Variants in CHD7 observed in about 807,000 individuals in gnomAD.
The protein encoded by CHD7 is chromodomain helicase DNA binding protein 7, also known as ATP-dependent chromatin remodeler CHD7.
Under a neutral mutation model 307.3 loss-of-function variants are expected in CHD7, and 24 were observed. The ratio of observed to expected loss-of-function variants is 0.08; its 90% CI spans 0.06 to 0.11. CHD7 has a LOEUF of 0.11. Ranked by LOEUF, CHD7 falls within the 10% of genes least tolerant of loss-of-function variation. The pLI is 1.00. For synonymous variants in CHD7, 1,363 were observed against 1,349.9 expected (o/e 1.01, Z -0.21); for missense variants, 3,106 against 3,727.1 (o/e 0.83, Z 4.34).
intron 15 of CHD7, among the ~76,000 whole-genome samples, chr8:60,831,060 T>A (rs1804493557): frequency 6.6e-6 from 1 of 152,150 alleles, no homozygotes; most frequent in South Asian, 2.1e-4. Flanking sequence ...AACAAAAAAA[T>A]TAACTTAAAG....
Position 60,816,718 on chromosome 8 carries a change from G to T in CHD7, c.2613+217G>T, listed in dbSNP as rs369430731. On this transcript the variant is annotated intron_variant, in intron 8 of 37. Transcript: ENST00000423902. ...AAGATATGGGTCCTTATGATATTAT[G>T]TGGAAATAGCGGTGATGGTATGATA... Among the ~76,000 whole-genome samples the T allele has an allele frequency of 3.4e-3, 516 of 152,284 alleles. 6 individuals carry two copies. Among genetic ancestry groups the T allele is most frequent in the African/African-American group, 0.012 (492 of 41,562 alleles).
At chr8:60,859,177 C>T in intron 34 of CHD7, among the ~76,000 whole-genome samples, 1 of 151,556 alleles carries the variant, frequency 6.6e-6, no homozygotes, top group African/African-American at 2.4e-5. Context: ...TGTAGGGATT[C>T]CTCATTTGGT....
intron 23 of CHD7, among the ~76,000 whole-genome samples, chr8:60,847,420 T>C (rs1355207552): frequency 6.6e-6 from 1 of 152,212 alleles, no homozygotes; most frequent in Non-Finnish European, 1.5e-5. Context: ...AGTTTTCCCA[T>C]TTGAAAACGG....
intron 1 of CHD7, among the ~76,000 whole-genome samples, chr8:60,735,298 C>T (rs369964433): frequency 1.9e-4 from 29 of 152,148 alleles, no homozygotes; most frequent in African/African-American, 2.7e-4. Flanking sequence ...TAAGGCGTAG[C>T]GTTGCCCTAT....
rs767403090 is a variant in CHD7, at chr8:60,830,338, C to T, written c.3539C>T (p.Ala1180Val). The T allele has an allele frequency of 6.2e-7, 1 of 1,611,932 alleles. No homozygotes were observed. Among genetic ancestry groups the T allele is most frequent in the Admixed American group, 1.7e-5 (1 of 59,610 alleles). ...CTTTTTTAGGTGCAAAAACTTCAAG[C>T]TATTCTAAAGCCAATGATGTTGAGA... Reference protein sequence around the residue: ...KTEEQVQKLQAILKPMMLRRL... With the variant: ...KTEEQVQKLQVILKPMMLRRL... Residue 1180 changes from alanine (A) to valine (V), a missense_variant, in exon 15 of 38, where the codon GCT becomes GTT. By Grantham distance (64) the Ala-to-Val change is moderately conservative. Coordinates refer to ENST00000423902, the MANE Select transcript of CHD7 (RefSeq NM_017780.4).
At chr8:60,705,651 G>C (rs1806988887) in intron 1 of CHD7, among the ~76,000 whole-genome samples, 1 of 152,178 alleles carries the variant, frequency 6.6e-6, no homozygotes, top group African/African-American at 2.4e-5. Context: ...AAATCTTATT[G>C]AGTAAAAATG....
chr8:60,845,438 G>A, intron 23 of CHD7, 29 bp downstream of exon 23: 1 of 1,605,800 alleles, frequency 6.2e-7, no homozygotes, highest in Non-Finnish European at 8.5e-7. Flanking sequence ...GACCTGGAGA[G>A]CTTAATTCCC....
rs1418830724 is a variant in CHD7 at position 60,865,070 on chromosome 8, G to C, written c.8131G>C (p.Gly2711Arg). 1.2e-6 allele frequency: 2 copies of C among 1,609,954 alleles called. No homozygotes were observed. The highest frequency in any genetic ancestry group is 2.2e-5 in the East Asian group (1 of 44,762). The change falls in exon 38 of 38, where the codon GGA becomes CGA. Residue 2711 changes from glycine (G) to arginine (R), a missense_variant. This residue lies in a region of CHD7 where 351 missense variants were observed against 366.2 expected (regional missense o/e 0.96). Transcript: ENST00000423902. The surrounding 1 kb of genome is among the most constrained non-coding windows in gnomAD (Gnocchi z 4.3). Reference protein sequence around the residue: ...DRLLTGPVVRGEGASRRGRRP... With the variant: ...DRLLTGPVVRREGASRRGRRP... The stretch of plus-strand genomic sequence containing the variant: ...CCTTCTCACTGGGCCTGTAGTGCGG[G>C]GAGAGGGAGCGAGCAGAAGAGGAAG...
chr8:60,741,752 C>G lies in CHD7; in HGVS notation c.320C>G (p.Thr107Ser), dbSNP rs1057234037. The G allele has an allele frequency of 1.2e-6, 2 of 1,613,928 alleles. No individual in the cohort carries two copies. The highest frequency in any genetic ancestry group is 2.2e-5 in the East Asian group (1 of 44,874). Residue 107 changes from threonine (T) to serine (S), a missense_variant, in exon 2 of 38, where the codon ACC becomes AGC. By Grantham distance (58) the Thr-to-Ser change is moderately conservative (BLOSUM62 1). This residue lies in a region of CHD7 where 998 missense variants were observed against 1,004.5 expected (regional missense o/e 0.99). Coordinates refer to ENST00000423902, the MANE Select transcript of CHD7 (RefSeq NM_017780.4). ...GLASPHSQYH[T>S]PPVPQVPHGG... ...GCGTCTCCGCACTCGCAGTATCACACCCCTCCCGTTCCTCAGGTGCCCCAT... is the reference window on the plus strand; with the variant it reads ...GCGTCTCCGCACTCGCAGTATCACAGCCCTCCCGTTCCTCAGGTGCCCCAT...
chr8:60,713,014 C>T (rs988693741), intron 1 of CHD7, among the ~76,000 whole-genome samples: 11 of 140,962 alleles, frequency 7.8e-5, no homozygotes, highest in African/African-American at 2.6e-4. Flanking sequence ...TGCGCCACTG[C>T]ACTCCAGCCT....
At chr8:60,783,712 C>T (rs111670237) in intron 3 of CHD7, among the ~76,000 whole-genome samples, 9 of 152,188 alleles carry the variant, frequency 5.9e-5, no homozygotes, top group African/African-American at 1.2e-4. Context: ...GATGAGCCTG[C>T]GGATTTACAG....
At chr8:60,837,913 C>A in intron 18 of CHD7, 78 bp downstream of exon 18, 2 of 1,389,508 alleles carry the variant, frequency 1.4e-6, no homozygotes, top group South Asian at 1.4e-5. Flanking sequence ...AATTACTCAG[C>A]CTTTGATTAT....
rs1210582890 is a variant in CHD7, at chr8:60,865,131, C to G, written c.8192C>G (p.Ala2731Gly). ...PKSEIARAAA[A>G]AAAVASTSGI... ...AGTGAGATCGCCAGAGCAGCCGCGGCCGCCGCTGCTGTGGCCTCCACGTCA... is the reference window on the plus strand; with the variant it reads ...AGTGAGATCGCCAGAGCAGCCGCGGGCGCCGCTGCTGTGGCCTCCACGTCA... Residue 2731 changes from alanine to glycine, a missense_variant, in exon 38 of 38, where the codon GCC becomes GGC. Coordinates refer to ENST00000423902, the MANE Select transcript of CHD7 (RefSeq NM_017780.4). The surrounding 1 kb of genome is among the most constrained non-coding windows in gnomAD (Gnocchi z 4.3). 6.2e-7 allele frequency: 1 copy of G among 1,611,244 alleles called. No homozygotes were observed. The highest frequency in any genetic ancestry group is 8.5e-7 in the Non-Finnish European group (1 of 1,178,892).
Position 60,862,178 on chromosome 8 carries a change from A to G in CHD7, c.7831-18A>G, listed in dbSNP as rs768846793. ...GTACTAAATACCAATTTTACTAAATATGTTTTTTCTTTTGCAGAAGAATGC... is the reference window on the plus strand; with the variant it reads ...GTACTAAATACCAATTTTACTAAATGTGTTTTTTCTTTTGCAGAAGAATGC... On this transcript the variant is annotated intron_variant, in intron 35 of 37. Transcript: ENST00000423902. 1.4e-5 allele frequency: 22 copies of G among 1,590,842 alleles called. No homozygotes were observed. Among genetic ancestry groups the G allele is most frequent in the East Asian group, 2.3e-5 (1 of 44,288 alleles).
At chr8:60,680,694 AAC>A in intron 1 of CHD7, among the ~76,000 whole-genome samples, 1 of 152,226 alleles carries the variant, frequency 6.6e-6, no homozygotes. Context: ...CCTTGGTTTA[AAC>A]TAGTTTTTTT....
chr8:60,752,934 A>T (rs1809706397), intron 2 of CHD7, among the ~76,000 whole-genome samples: 1 of 152,234 alleles, frequency 6.6e-6, no homozygotes, highest in South Asian at 2.1e-4. Flanking sequence ...ACAGCTGTAA[A>T]TCTATAGATA....
intron 1 of CHD7, among the ~76,000 whole-genome samples, chr8:60,722,872 T>G (rs1203285175): frequency 6.6e-6 from 1 of 152,216 alleles, no homozygotes; most frequent in African/African-American, 2.4e-5. Context: ...CTCAGATAAT[T>G]TGATATTACA....
chr8:60,828,415 AC>A (rs1028207237), intron 13 of CHD7, among the ~76,000 whole-genome samples: 4 of 152,118 alleles, frequency 2.6e-5, no homozygotes, highest in African/African-American at 9.7e-5. Flanking sequence ...CTGACCTATA[AC>A]CCCAGGAAGA....
chr8:60,720,173 A>G (rs1807826857), intron 1 of CHD7, among the ~76,000 whole-genome samples: 1 of 152,130 alleles, frequency 6.6e-6, no homozygotes, highest in South Asian at 2.1e-4. Context: ...CCTGTTCCAT[A>G]TAACTTCACT....
Sources: gnomAD v4.1 joint callset for allele counts (sites outside exome capture counted in the v4.1 genomes callset) on GRCh38, gnomAD v4.1.1 for gene constraint, gnomAD v4.1.1 regional missense constraint, Gnocchi (gnomAD v3.1) non-coding constraint, MANE v1.5 for transcripts, NCBI Gene and HGNC (gene_info 2026-07-23, HGNC 2026-07-21) for gene names.